Variants in SYT14 observed in about 807,000 individuals in gnomAD.
SYT14 encodes the protein synaptotagmin 14, also known as synaptotagmin-14.
In SYT14, 32 loss-of-function variants were observed where a neutral mutation model predicts 74.2. The observed-to-expected ratio is 0.43, with a 90% CI of 0.33 to 0.58. The LOEUF (loss-of-function observed/expected upper bound fraction) is 0.58. Among genes scored for constraint, SYT14 ranks in the 20% least tolerant of loss-of-function variants. SYT14 has a pLI of 0.05. For missense variants in SYT14, 791 were observed against 981.8 expected, an observed-to-expected ratio of 0.81 and a Z score of 2.60; for synonymous variants, 298 against 337.7, an observed-to-expected ratio of 0.88 and a Z score of 1.29.
intron 5 of SYT14, among the ~76,000 whole-genome samples, chr1:210,062,767 T>C (rs1380526345): frequency 6.6e-6 from 1 of 151,940 alleles, no homozygotes; most frequent in Non-Finnish European, 1.5e-5. Context: ...TTTCCAACTA[T>C]ACATTTTTCC....
intron 1 of SYT14, among the ~76,000 whole-genome samples, chr1:209,939,726 C>G (rs1189575730): frequency 6.6e-6 from 1 of 152,212 alleles, no homozygotes; most frequent in African/African-American, 2.4e-5. Flanking sequence ...AGCCGTGAAA[C>G]TCTACCACAC....
exon 10 of SYT14, chr1:210,164,380 C>T (rs1033346521): frequency 7.8e-5 from 14 of 179,844 alleles, no homozygotes; most frequent in Non-Finnish European, 1.2e-4. Flanking sequence ...TCCAACCTAG[C>T]GAAAATGCCC....
At chr1:210,037,641 TTTCATTCATTTCAGAAATATTTTAA>T (rs943752828) in intron 5 of SYT14, among the ~76,000 whole-genome samples, 1 of 151,934 alleles carries the variant, frequency 6.6e-6, no homozygotes, top group African/African-American at 2.4e-5. Context: ...GTATCTCCAT[TTTCATTCATTTCAGAAATATTTTAA>T]ATTTCTATCT....
chr1:210,025,095 G>A (rs1175151907), intron 5 of SYT14, among the ~76,000 whole-genome samples: 3 of 152,074 alleles, frequency 2.0e-5, no homozygotes, highest in African/African-American at 7.2e-5. Flanking sequence ...GTAGTTGGGG[G>A]GTTTTGTTTG....
At chr1:210,037,439 T>A (rs1276253147) in intron 5 of SYT14, among the ~76,000 whole-genome samples, 1 of 151,990 alleles carries the variant, frequency 6.6e-6, no homozygotes, top group Non-Finnish European at 1.5e-5. Context: ...TCTGCTCTGA[T>A]CTTTGTTATT....
At chr1:210,104,480 T>C (rs1440381901) in intron 7 of SYT14, among the ~76,000 whole-genome samples, 1 of 152,228 alleles carries the variant, frequency 6.6e-6, no homozygotes, top group East Asian at 1.9e-4. Context: ...GTAGCTAGAA[T>C]GTTTTCAGTT....
chr1:209,975,896 A>T (rs1481905349), intron 2 of SYT14, among the ~76,000 whole-genome samples: 1 of 152,200 alleles, frequency 6.6e-6, no homozygotes, highest in Non-Finnish European at 1.5e-5. Context: ...TTGTTGGTCT[A>T]TTCAGAGATT....
intron 5 of SYT14, among the ~76,000 whole-genome samples, chr1:210,040,589 A>G (rs1460444650): frequency 6.6e-6 from 1 of 152,168 alleles, no homozygotes; most frequent in Non-Finnish European, 1.5e-5. Flanking sequence ...TACATGTTAC[A>G]TTGTCCTTAT....
chr1:210,023,754 G>C (rs1280170226), intron 5 of SYT14, among the ~76,000 whole-genome samples: 5 of 152,208 alleles, frequency 3.3e-5, no homozygotes, highest in Admixed American at 2.6e-4. Flanking sequence ...AGTTAGACTT[G>C]AGTGAGAATT....
At chr1:209,943,252 A>G (rs1388301952) in intron 1 of SYT14, among the ~76,000 whole-genome samples, 1 of 152,152 alleles carries the variant, frequency 6.6e-6, no homozygotes, top group Non-Finnish European at 1.5e-5. Flanking sequence ...AGAATGCAGC[A>G]GTGTACTTTG....
exon 10 of SYT14, chr1:210,161,089 A>G: frequency 6.3e-7 from 1 of 1,582,330 alleles, no homozygotes; most frequent in Non-Finnish European, 8.7e-7. Context: ...CATATTTCCA[A>G]TTCCAACATT....
intron 5 of SYT14, among the ~76,000 whole-genome samples, chr1:210,047,080 AG>A (rs1487991804): frequency 6.6e-6 from 1 of 152,126 alleles, no homozygotes; most frequent in Admixed American, 6.5e-5. Context: ...TCATATTGAT[AG>A]GTATAGTTAA....
intron 5 of SYT14, among the ~76,000 whole-genome samples, chr1:210,083,526 T>C (rs557727733): frequency 6.6e-6 from 1 of 152,240 alleles, no homozygotes; most frequent in Admixed American, 6.5e-5. Flanking sequence ...GATCGTCTTT[T>C]AGTAGCTGCA....
intron 5 of SYT14, among the ~76,000 whole-genome samples, chr1:210,055,027 T>C (rs1176727417): frequency 6.6e-6 from 1 of 152,186 alleles, no homozygotes; most frequent in Non-Finnish European, 1.5e-5. Context: ...TTTAGCATAC[T>C]TCTTACCCAC....
chr1:210,036,361 A>G (rs1413624687), intron 5 of SYT14, among the ~76,000 whole-genome samples: 3 of 151,956 alleles, frequency 2.0e-5, no homozygotes, highest in African/African-American at 7.2e-5. Flanking sequence ...TAGGCATAAG[A>G]TTATATCATC....
intron 5 of SYT14, among the ~76,000 whole-genome samples, chr1:210,065,502 A>C (rs1236835663): frequency 1.3e-5 from 2 of 151,600 alleles, no homozygotes; most frequent in South Asian, 4.2e-4. Context: ...GAGTCAGTTA[A>C]ACCTCTTTCC....
At chr1:210,124,856 AGTTTTTTTTGTGTG>A (rs1397773804) in intron 7 of SYT14, among the ~76,000 whole-genome samples, 1 of 151,300 alleles carries the variant, frequency 6.6e-6, no homozygotes, top group Non-Finnish European at 1.5e-5. Flanking sequence ...AGCCCTTTCT[AGTTTTTTTTGTGTG>A]GTTTTTTTTT....
At chr1:209,946,344 A>T (rs2078823435) in intron 1 of SYT14, among the ~76,000 whole-genome samples, 1 of 152,232 alleles carries the variant, frequency 6.6e-6, no homozygotes, top group Non-Finnish European at 1.5e-5. Context: ...CAGTAGGTGA[A>T]GTTGTGAATG....
intron 5 of SYT14, among the ~76,000 whole-genome samples, chr1:210,077,064 T>C (rs1346733569): frequency 1.3e-5 from 2 of 152,202 alleles, no homozygotes; most frequent in Admixed American, 6.5e-5. Context: ...AGGAAATACC[T>C]GAGACTGGGT....
Sources: gnomAD v4.1 joint callset for allele counts (sites outside exome capture counted in the v4.1 genomes callset) on GRCh38, gnomAD v4.1.1 for gene constraint, MANE v1.5 for transcripts, NCBI Gene and HGNC (gene_info 2026-07-23, HGNC 2026-07-21) for gene names.